PTPRM: variants seen among roughly 807,000 people sequenced by gnomAD.
PTPRM encodes protein tyrosine phosphatase receptor type M, also known as receptor-type tyrosine-protein phosphatase mu.
PTPRM carries 47 observed loss-of-function variants against 186.7 expected under a neutral mutation model. The ratio of observed to expected loss-of-function variants is 0.25; its 90% CI spans 0.20 to 0.32. The LOEUF is 0.32. Among genes scored for constraint, PTPRM ranks in the 10% least tolerant of loss-of-function variants. The pLI is 1.00. For synonymous variants in PTPRM, 668 were observed against 674.9 expected (o/e 0.99, Z 0.16); for missense variants, 1,494 against 1,865.0 (o/e 0.80, Z 3.66).
chr18:8,201,982 T>G (rs17477951), intron 14 of PTPRM, among the ~76,000 whole-genome samples: 11,423 of 152,284 alleles, frequency 0.075, 601 homozygotes, highest in Middle Eastern at 0.33. Context: ...TTATCATGGA[T>G]TCTTCTCCAC....
chr18:7,652,975 A>G (rs968710818), intron 1 of PTPRM, among the ~76,000 whole-genome samples: 2 of 152,128 alleles, frequency 1.3e-5, no homozygotes, highest in East Asian at 3.9e-4. Flanking sequence ...CAATAAGAAA[A>G]CAAATAACCC....
intron 32 of PTPRM, among the ~76,000 whole-genome samples, chr18:8,395,213 G>C (rs1293863015): frequency 6.6e-6 from 1 of 151,972 alleles, no homozygotes; most frequent in Non-Finnish European, 1.5e-5. Flanking sequence ...TTTAGATTAG[G>C]TTTTTGCACT....
intron 2 of PTPRM, among the ~76,000 whole-genome samples, chr18:7,877,544 A>T (rs1239716199): frequency 6.6e-6 from 1 of 152,214 alleles, no homozygotes; most frequent in African/African-American, 2.4e-5. Flanking sequence ...TATCTATTCT[A>T]TGCCAGTCAC....
chr18:7,908,146 T>C (rs1338292861), intron 4 of PTPRM, among the ~76,000 whole-genome samples: 1 of 152,150 alleles, frequency 6.6e-6, no homozygotes, highest in Non-Finnish European at 1.5e-5. Flanking sequence ...TATTGGGTGC[T>C]GCCAAAATGC....
intron 1 of PTPRM, among the ~76,000 whole-genome samples, chr18:7,762,682 T>A (rs1046163516): frequency 2.6e-5 from 4 of 151,998 alleles, no homozygotes; most frequent in Non-Finnish European, 5.9e-5. Flanking sequence ...AGGGAATGGG[T>A]CAAATCAAAC....
intron 23 of PTPRM, among the ~76,000 whole-genome samples, chr18:8,355,731 A>G (rs559099011): frequency 2.0e-4 from 30 of 152,376 alleles, no homozygotes; most frequent in African/African-American, 7.0e-4. Flanking sequence ...AACAGAAATC[A>G]ACTCTGGCTA....
At chr18:7,733,968 AT>A (rs1048152777) in intron 1 of PTPRM, among the ~76,000 whole-genome samples, 5 of 152,148 alleles carry the variant, frequency 3.3e-5, no homozygotes, top group Admixed American at 3.3e-4. Context: ...ATCCTAGGGG[AT>A]TTGGCTGTCT....
chr18:8,392,254 A>G (rs1210186037), intron 31 of PTPRM, among the ~76,000 whole-genome samples: 1 of 152,244 alleles, frequency 6.6e-6, no homozygotes, highest in African/African-American at 2.4e-5. Flanking sequence ...AACACTGACT[A>G]GAAATTTGAT....
At chr18:7,737,813 A>C (rs1480172635) in intron 1 of PTPRM, among the ~76,000 whole-genome samples, 1 of 152,154 alleles carries the variant, frequency 6.6e-6, no homozygotes, top group Non-Finnish European at 1.5e-5. Context: ...CTGAAAACCA[A>C]AACCTGGATT....
chr18:7,789,025 A>C (rs2043215734), intron 2 of PTPRM, among the ~76,000 whole-genome samples: 2 of 152,148 alleles, frequency 1.3e-5, no homozygotes. Context: ...ATCCTACCAG[A>C]TAAAGAATAT....
At chr18:8,143,558 CT>C (rs2092812295) in intron 13 of PTPRM, 88 bp from the exon 14 acceptor site, 2 of 1,388,030 alleles carry the variant, frequency 1.4e-6, no homozygotes, top group Non-Finnish European at 2.0e-6. Flanking sequence ...TCTTATTACT[CT>C]GTTAAATGCA....
At chr18:7,906,644 A>G in intron 4 of PTPRM, 61 bp downstream of exon 4, 1 of 1,321,886 alleles carries the variant, frequency 7.6e-7, no homozygotes. Context: ...TACATTATGA[A>G]TGAAGAGAAG....
chr18:7,724,532 A>G (rs2040508217), intron 1 of PTPRM, among the ~76,000 whole-genome samples: 1 of 152,238 alleles, frequency 6.6e-6, no homozygotes. Context: ...TATCCCTACA[A>G]CATTGGTTTT....
At chr18:8,288,570 T>G (rs9948041) in intron 19 of PTPRM, among the ~76,000 whole-genome samples, 28,199 of 152,180 alleles carry the variant, frequency 0.19, 2,979 homozygotes, top group African/African-American at 0.29. Context: ...TCAGTCTCTA[T>G]AATCCCACAG....
intron 11 of PTPRM, among the ~76,000 whole-genome samples, chr18:8,102,468 A>G (rs1345169270): frequency 2.0e-5 from 3 of 152,222 alleles, no homozygotes; most frequent in African/African-American, 4.8e-5. Context: ...TGTCATTTCA[A>G]CAGTGGTCAC....
At chr18:7,868,098 A>G (rs2047804556) in intron 2 of PTPRM, among the ~76,000 whole-genome samples, 9 of 152,102 alleles carry the variant, frequency 5.9e-5, no homozygotes, top group Admixed American at 5.2e-4. Flanking sequence ...CAATTCATCT[A>G]ACCTTTTTTC....
intron 22 of PTPRM, among the ~76,000 whole-genome samples, chr18:8,334,807 A>T (rs2095429935): frequency 6.6e-6 from 1 of 152,006 alleles, no homozygotes; most frequent in Non-Finnish European, 1.5e-5. Flanking sequence ...CATGCAGGAG[A>T]GCTCAGTGGG....
At chr18:8,139,420 C>T (rs1326922282) in intron 13 of PTPRM, among the ~76,000 whole-genome samples, 1 of 152,170 alleles carries the variant, frequency 6.6e-6, no homozygotes, top group East Asian at 1.9e-4. Context: ...AGCCTCGTAA[C>T]TGAGGTCCCT....
chr18:8,268,182 T>C (rs1234200661), intron 19 of PTPRM, among the ~76,000 whole-genome samples: 1 of 152,184 alleles, frequency 6.6e-6, no homozygotes, highest in African/African-American at 2.4e-5. Context: ...AATTGTCTTC[T>C]TGGCAGTATT....
Sources: gnomAD v4.1 joint callset for allele counts (sites outside exome capture counted in the v4.1 genomes callset) on GRCh38, gnomAD v4.1.1 for gene constraint, MANE v1.5 for transcripts, NCBI Gene and HGNC (gene_info 2026-07-23, HGNC 2026-07-21) for gene names.